CSTPP1: variants seen among roughly 807,000 people sequenced by gnomAD.
The protein encoded by CSTPP1 is centriolar satellite-associated tubulin polyglutamylase complex regulator 1.
At chr11:46,951,338 C>G in the CSTPP1 span, among the ~76,000 whole-genome samples, 1 of 147,134 alleles carries the variant, frequency 6.8e-6, no homozygotes, top group African/African-American at 2.5e-5. Flanking sequence ...ACTCTGTCAT[C>G]CAGGCTGAAG....
chr11:47,036,900 C>T, the CSTPP1 span, among the ~76,000 whole-genome samples: 2 of 126,016 alleles, frequency 1.6e-5, no homozygotes, highest in Non-Finnish European at 3.8e-5. Flanking sequence ...AGGCTGGTCT[C>T]GAACTCCTGA....
the CSTPP1 span, among the ~76,000 whole-genome samples, chr11:47,109,636 T>TCCTGCACTCATTTGCATGGACTC: frequency 2.0e-5 from 3 of 152,194 alleles, no homozygotes; most frequent in Admixed American, 6.5e-5. Context: ...GATTTGGACA[T>TCCTGCACTCATTTGCATGGACTC]CCTGCACTCA....
chr11:47,020,586 G>C, the CSTPP1 span, among the ~76,000 whole-genome samples: 1 of 151,518 alleles, frequency 6.6e-6, no homozygotes, highest in Non-Finnish European at 1.5e-5. Flanking sequence ...ATAGGCAAAG[G>C]GTGGTGGAGG....
the CSTPP1 span, chr11:47,157,225 A>G: frequency 6.4e-7 from 1 of 1,557,740 alleles, no homozygotes. Flanking sequence ...ACAGGTGAGG[A>G]ACGGGCATGC....
chr11:47,090,403 A>G, the CSTPP1 span, among the ~76,000 whole-genome samples: 1 of 152,184 alleles, frequency 6.6e-6, no homozygotes, highest in Non-Finnish European at 1.5e-5. Context: ...TTTTTTAGGA[A>G]GTCAAGTAAG....
chr11:47,155,184 T>G, the CSTPP1 span: 1 of 1,613,458 alleles, frequency 6.2e-7, no homozygotes, highest in East Asian at 2.2e-5. Flanking sequence ...AGGATTGTGC[T>G]CATGGACGAT....
the CSTPP1 span, among the ~76,000 whole-genome samples, chr11:47,093,495 C>A: frequency 2.0e-5 from 3 of 152,206 alleles, no homozygotes; most frequent in African/African-American, 7.2e-5. Flanking sequence ...ACCACAAAGT[C>A]TTCGGCCACA....
the CSTPP1 span, among the ~76,000 whole-genome samples, chr11:47,002,315 C>T: frequency 6.6e-6 from 1 of 152,130 alleles, no homozygotes; most frequent in Non-Finnish European, 1.5e-5. Flanking sequence ...TTCTGTATTA[C>T]TAGAGGTATG....
At chr11:46,987,065 G>GCTGTC in the CSTPP1 span, 1 of 719,666 alleles carries the variant, frequency 1.4e-6, no homozygotes, top group Non-Finnish European at 2.4e-6. Flanking sequence ...AGTTTGCTTT[G>GCTGTC]CCTATTCCAG....
the CSTPP1 span, chr11:46,987,327 T>TTAGTACTAATACACTGTATTAGTAA: frequency 1.1e-5 from 17 of 1,602,500 alleles, no homozygotes; most frequent in Non-Finnish European, 1.5e-5. Flanking sequence ...ACATGAATGT[T>TTAGTACTAATACACTGTATTAGTAA]GTACTAATAC....
At chr11:47,021,138 A>G in the CSTPP1 span, among the ~76,000 whole-genome samples, 1 of 152,188 alleles carries the variant, frequency 6.6e-6, no homozygotes, top group African/African-American at 2.4e-5. Context: ...AACCCATCAG[A>G]GAAACTAACC....
chr11:47,160,903 C>A, the CSTPP1 span: 1 of 584,962 alleles, frequency 1.7e-6, no homozygotes, highest in Non-Finnish European at 3.0e-6. Context: ...GTGTCTGCCC[C>A]AGGCAGGGAA....
chr11:47,071,636 T>C, the CSTPP1 span, among the ~76,000 whole-genome samples: 1 of 152,206 alleles, frequency 6.6e-6, no homozygotes, highest in Admixed American at 6.5e-5. Flanking sequence ...GAATGCCTGC[T>C]GGGTCGTGCT....
At chr11:47,103,751 T>A in the CSTPP1 span, 48 of 147,376 alleles carry the variant, frequency 3.3e-4, no homozygotes, top group African/African-American at 1.2e-3. Context: ...CTCAGCTCAC[T>A]GTAACCTCTG....
chr11:47,011,978 A>G, the CSTPP1 span, among the ~76,000 whole-genome samples: 1 of 152,186 alleles, frequency 6.6e-6, no homozygotes, highest in Non-Finnish European at 1.5e-5. Flanking sequence ...GATAAATTCT[A>G]TTAAGAAAAT....
At chr11:47,106,417 C>T in the CSTPP1 span, among the ~76,000 whole-genome samples, 2 of 152,020 alleles carry the variant, frequency 1.3e-5, no homozygotes, top group Non-Finnish European at 2.9e-5. Context: ...CCAAGACAGG[C>T]GGATCACTTG....
chr11:47,039,644 C>T, the CSTPP1 span, among the ~76,000 whole-genome samples: 1 of 127,840 alleles, frequency 7.8e-6, no homozygotes, highest in East Asian at 2.1e-4. Flanking sequence ...CGAGACCATC[C>T]TGGCTAACAT....
the CSTPP1 span, among the ~76,000 whole-genome samples, chr11:47,120,896 G>A: frequency 2.6e-5 from 4 of 152,118 alleles, no homozygotes; most frequent in Non-Finnish European, 4.4e-5. The surrounding 1 kb of genome is among the most constrained non-coding windows in gnomAD (Gnocchi z 4.2). Context: ...ATCCAAAGAC[G>A]CAGAAGAGTT....
the CSTPP1 span, among the ~76,000 whole-genome samples, chr11:46,980,089 A>C: frequency 3.9e-5 from 6 of 152,092 alleles, no homozygotes; most frequent in Non-Finnish European, 5.9e-5. Context: ...AAAAAACAAA[A>C]AAACCCACCA....
Sources: gnomAD v4.1 joint callset for allele counts (sites outside exome capture counted in the v4.1 genomes callset) on GRCh38, gnomAD v4.1.1 for gene constraint, Gnocchi (gnomAD v3.1) non-coding constraint, MANE v1.5 for transcripts, NCBI Gene and HGNC (gene_info 2026-07-23, HGNC 2026-07-21) for gene names.